OR4N2: variants seen among roughly 807,000 people sequenced by gnomAD.
OR4N2 encodes olfactory receptor 4N2.
For synonymous variants in OR4N2, 141 were observed against 140.4 expected (o/e 1.00, Z -0.03); for missense variants, 307 against 377.6 (o/e 0.81, Z 1.55).
intron 1 of OR4N2, among the ~76,000 whole-genome samples, chr14:19,825,897 A>T (rs1304681430): frequency 1.3e-5 from 2 of 152,218 alleles, no homozygotes; most frequent in Non-Finnish European, 2.9e-5. Flanking sequence ...TGTTTAGTTA[A>T]ATCATATTAA....
chr14:19,807,412 C>T (rs1197607553), intron 1 of OR4N2, among the ~76,000 whole-genome samples: 2 of 151,954 alleles, frequency 1.3e-5, no homozygotes, highest in Non-Finnish European at 2.9e-5. Context: ...GCAACTGATC[C>T]CACAGAAATA....
chr14:19,822,611 C>T (rs1879595138), intron 1 of OR4N2, among the ~76,000 whole-genome samples: 1 of 152,216 alleles, frequency 6.6e-6, no homozygotes, highest in Non-Finnish European at 1.5e-5. Flanking sequence ...TCTCTATTAA[C>T]TTTTCAGATT....
intron 1 of OR4N2, among the ~76,000 whole-genome samples, chr14:19,824,438 C>T (rs568834540): frequency 6.6e-6 from 1 of 152,320 alleles, no homozygotes; most frequent in East Asian, 1.9e-4. Flanking sequence ...ATTTCAAAGT[C>T]CTTCAGAAAT....
intron 1 of OR4N2, among the ~76,000 whole-genome samples, chr14:19,825,294 C>G (rs1287417855): frequency 6.6e-6 from 1 of 152,222 alleles, no homozygotes; most frequent in South Asian, 2.1e-4. Flanking sequence ...TCTAGGGATA[C>G]ATAAAGCAGA....
intron 1 of OR4N2, among the ~76,000 whole-genome samples, chr14:19,814,337 C>T (rs1448655738): frequency 6.6e-6 from 1 of 152,190 alleles, no homozygotes; most frequent in Non-Finnish European, 1.5e-5. Flanking sequence ...TTCCCTTTAG[C>T]AATTGTTCTA....
Position 19,827,502 on chromosome 14 carries a change from C to T in OR4N2, c.54C>T (p.Thr18=), listed in dbSNP as rs746775222. 10 of 1,612,560 alleles carry T rather than the reference C, an allele frequency of 6.2e-6. No individual in the cohort carries two copies. Among genetic ancestry groups the T allele is most frequent in the Admixed American group, 5.0e-5 (3 of 59,928 alleles). The change falls in exon 2 of 2, where the codon ACC becomes ACT. Residue 18 remains threonine (T), a synonymous_variant. Coordinates refer to ENST00000557677, the MANE Select transcript of OR4N2 (RefSeq NM_001004723.3). ...VIREFILLGL[T]QSQDIQLLVF... is the part of the protein sequence containing the mutation. ...GAGAATTCATCCTCCTTGGTCTGACCCAGTCTCAAGATATTCAGCTCCTGG... is the reference window on the plus strand; with the variant it reads ...GAGAATTCATCCTCCTTGGTCTGACTCAGTCTCAAGATATTCAGCTCCTGG...
rs1879804233 is a variant in OR4N2, at chr14:19,829,166, C to A, written c.*794C>A. 6.6e-6 allele frequency: 1 copy of A among 152,200 alleles called. No individual in the cohort carries two copies. The highest frequency in any genetic ancestry group is 1.5e-5 in the Non-Finnish European group (1 of 68,030). 9.4% of individuals were successfully genotyped at this position (152,200 alleles called of 1,614,324 possible). The stretch of plus-strand genomic sequence containing the variant: ...TACCAATTTTTCTTACATAAATAAG[C>A]AGAGAGTGGCAAAAGAAAGCTGGTT... On this transcript the variant is annotated 3_prime_UTR_variant, in exon 2 of 2. Coordinates refer to ENST00000557677, the MANE Select transcript of OR4N2 (RefSeq NM_001004723.3).
chr14:19,819,857 G>T (rs1879519537), intron 1 of OR4N2, among the ~76,000 whole-genome samples: 1 of 152,254 alleles, frequency 6.6e-6, no homozygotes, highest in Admixed American at 6.5e-5. Flanking sequence ...GTGACCTTCA[G>T]TTGGGGTTTT....
At chr14:19,806,490 A>C (rs1879168668) in intron 1 of OR4N2, among the ~76,000 whole-genome samples, 1 of 152,182 alleles carries the variant, frequency 6.6e-6, no homozygotes, top group African/African-American at 2.4e-5. Context: ...GGCATTACAT[A>C]ATGATAAAGG....
At chr14:19,816,945 A>T (rs187027000) in intron 1 of OR4N2, among the ~76,000 whole-genome samples, 19 of 152,386 alleles carry the variant, frequency 1.2e-4, no homozygotes, top group Non-Finnish European at 2.1e-4. Context: ...ATCTATTGAG[A>T]TAATGATGTG....
At chr14:19,805,788 T>C (rs2138457671) in intron 1 of OR4N2, among the ~76,000 whole-genome samples, 1 of 152,292 alleles carries the variant, frequency 6.6e-6, no homozygotes, top group South Asian at 2.1e-4. Flanking sequence ...ATCTTCAGAT[T>C]CACCACAGTT....
chr14:19,821,518 A>G (rs1265379865), intron 1 of OR4N2, among the ~76,000 whole-genome samples: 25 of 152,156 alleles, frequency 1.6e-4, no homozygotes, highest in Non-Finnish European at 5.9e-5. Context: ...ACAAAGCAAT[A>G]ATCTCTCATC....
At chr14:19,803,942 T>C (rs1879088421) in intron 1 of OR4N2, 98 bp downstream of exon 1, 1 of 152,258 alleles carries the variant, frequency 6.6e-6, no homozygotes, top group African/African-American at 2.4e-5. Flanking sequence ...AGGTTGTATG[T>C]TTCTAATAAT....
At chr14:19,813,774 G>A (rs1879358747) in intron 1 of OR4N2, among the ~76,000 whole-genome samples, 1 of 151,684 alleles carries the variant, frequency 6.6e-6, no homozygotes, top group Non-Finnish European at 1.5e-5. Context: ...TGAATTCCTT[G>A]GATAAGGAAT....
chr14:19,813,667 C>A (rs1879356047), intron 1 of OR4N2, among the ~76,000 whole-genome samples: 1 of 152,114 alleles, frequency 6.6e-6, no homozygotes, highest in African/African-American at 2.4e-5. Flanking sequence ...TACATGCATT[C>A]CAGAGATGTA....
At chr14:19,822,087 T>C (rs1879581256) in intron 1 of OR4N2, 1 of 152,272 alleles carries the variant, frequency 6.6e-6, no homozygotes, top group Non-Finnish European at 1.5e-5. Context: ...TAGATTGCAG[T>C]TGAATAGACA....
At chr14:19,824,204 C>T (rs2318281) in intron 1 of OR4N2, among the ~76,000 whole-genome samples, 56,768 of 148,842 alleles carry the variant, frequency 0.38, 6,476 homozygotes, top group South Asian at 0.48. Context: ...TTTTTTTTGG[C>T]AGAAACTTAT....
chr14:19,812,084 G>A (rs1173370688), intron 1 of OR4N2, among the ~76,000 whole-genome samples: 1 of 152,266 alleles, frequency 6.6e-6, no homozygotes, highest in African/African-American at 2.4e-5. Flanking sequence ...AAGGGTTGCA[G>A]GATACAAGAT....
chr14:19,829,831 C>T lies in OR4N2; in HGVS notation c.*1459C>T, dbSNP rs1879821919. On this transcript the variant is annotated 3_prime_UTR_variant, in exon 2 of 2. Transcript: ENST00000557677. The stretch of plus-strand genomic sequence containing the variant: ...TATACTTAGGAATATAAATTTTGTA[C>T]ATGGTAAAAATATTCAGACTATAGA... The T allele has an allele frequency of 1.3e-5, 2 of 152,230 alleles. No homozygotes were observed. The highest frequency in any genetic ancestry group is 2.9e-5 in the Non-Finnish European group (2 of 68,044). The allele number at this position is 152,230 out of a possible 1,614,324, so 9.4% of individuals were successfully genotyped here.
Sources: gnomAD v4.1 joint callset for allele counts (sites outside exome capture counted in the v4.1 genomes callset) on GRCh38, gnomAD v4.1.1 for gene constraint, MANE v1.5 for transcripts, NCBI Gene and HGNC (gene_info 2026-07-23, HGNC 2026-07-21) for gene names.